SCARB1: variants seen among roughly 807,000 people sequenced by gnomAD.
SCARB1 encodes the protein CD36 and LIMPII analogous 1.
Under a neutral mutation model 57.2 loss-of-function variants are expected in SCARB1, and 30 were observed. The observed-to-expected ratio is 0.52, with a 90% CI of 0.39 to 0.71. The LOEUF (loss-of-function observed/expected upper bound fraction) is 0.71, where lower values mean the gene tolerates loss of function less well. SCARB1 is among the 30% of genes least tolerant of loss of function. SCARB1 has a pLI of 0.00. For missense variants in SCARB1, 543 were observed against 671.2 expected (o/e 0.81, Z 2.11); for synonymous variants, 249 against 268.3 (o/e 0.93, Z 0.70).
At chr12:124,780,977 T>C (rs1873347138) in intron 12 of SCARB1, among the ~76,000 whole-genome samples, 1 of 152,100 alleles carries the variant, frequency 6.6e-6, no homozygotes, top group African/African-American at 2.4e-5. Flanking sequence ...AGCACTACGG[T>C]GTCCTGGAGG....
intron 1 of SCARB1, among the ~76,000 whole-genome samples, chr12:124,837,758 G>A (rs1461419639): frequency 3.4e-5 from 5 of 148,780 alleles, no homozygotes; most frequent in African/African-American, 1.2e-4. Flanking sequence ...AAAAAAATGA[G>A]CCAGGCGTGG....
intron 1 of SCARB1, among the ~76,000 whole-genome samples, chr12:124,831,861 A>G (rs998732502): frequency 1.3e-5 from 2 of 152,234 alleles, no homozygotes; most frequent in African/African-American, 4.8e-5. Context: ...AATCAATAGA[A>G]GAACAACAGA....
Position 124,782,323 on chromosome 12 carries a change from G to GA in SCARB1, c.*359dup, listed in dbSNP as rs566138604. 3.9e-5 allele frequency among the ~76,000 whole-genome samples: 6 copies of GA among 152,316 alleles called. No individual in the cohort carries two copies. The South Asian group carries it at 1.2e-3, about 32-fold the overall frequency. ...ACCATGATCCTATTCCAGAAGGCTA[G>GA]AAGGCTGCCCAGGGATCTGCATTTC... On this transcript the variant is annotated intron_variant, in intron 12 of 12. Coordinates refer to ENST00000261693, the MANE Select transcript of SCARB1 (RefSeq NM_005505.5).
At chr12:124,834,904 T>C (rs1951569514) in intron 1 of SCARB1, among the ~76,000 whole-genome samples, 1 of 151,996 alleles carries the variant, frequency 6.6e-6, no homozygotes, top group Non-Finnish European at 1.5e-5. Flanking sequence ...CAAGACCCTG[T>C]CCACCCCCCC....
At chr12:124,809,922 GC>G (rs1380023310) in intron 6 of SCARB1, among the ~76,000 whole-genome samples, 3 of 152,098 alleles carry the variant, frequency 2.0e-5, no homozygotes, top group Non-Finnish European at 4.4e-5. Context: ...GACATGTCCT[GC>G]CCCCTCCTCC....
intron 1 of SCARB1, among the ~76,000 whole-genome samples, chr12:124,842,881 C>T (rs7307671): frequency 0.081 from 12,391 of 152,294 alleles, 538 homozygotes; most frequent in African/African-American, 0.098. Flanking sequence ...TGCCAAGATC[C>T]ACCTAGGTGC....
intron 1 of SCARB1, among the ~76,000 whole-genome samples, chr12:124,856,508 C>A (rs1004585123): frequency 1.3e-5 from 2 of 152,142 alleles, no homozygotes; most frequent in African/African-American, 4.8e-5. Flanking sequence ...GTTTTTCAGC[C>A]GTCGCCAGGG....
intron 1 of SCARB1, among the ~76,000 whole-genome samples, chr12:124,818,477 T>A (rs1308682758): frequency 6.6e-6 from 1 of 152,124 alleles, no homozygotes; most frequent in African/African-American, 2.4e-5. Context: ...TTTATTTATT[T>A]ATTTTTTGAG....
chr12:124,833,900 A>G lies in SCARB1; in HGVS notation c.127-16193T>C, dbSNP rs1204542766. Among the ~76,000 whole-genome samples, 4 of 152,248 alleles carry G rather than the reference A, an allele frequency of 2.6e-5. No individual in the cohort carries two copies. In the East Asian group the frequency reaches 7.7e-4, roughly 29 times the overall value. ...CGGGCCGGGGAATGATCTGCGGAGC[A>G]GGACACTCTCCCGCAGCTGCTTTCA... On this transcript the variant is annotated intron_variant, in intron 1 of 12. Coordinates refer to ENST00000261693, the MANE Select transcript of SCARB1 (RefSeq NM_005505.5).
At chr12:124,827,793 T>G (rs1439737506) in intron 1 of SCARB1, among the ~76,000 whole-genome samples, 1 of 152,084 alleles carries the variant, frequency 6.6e-6, no homozygotes, top group Non-Finnish European at 1.5e-5. Flanking sequence ...CCCCTAAAAC[T>G]CCTGACCTCC....
At chr12:124,798,608 C>T (rs12305535) in intron 8 of SCARB1, among the ~76,000 whole-genome samples, 6,553 of 152,136 alleles carry the variant, frequency 0.043, 305 homozygotes, top group African/African-American at 0.11. Flanking sequence ...CCTGGGAGTC[C>T]GAGGCGGGTG....
intron 1 of SCARB1, chr12:124,821,421 G>T (rs1332412902): frequency 1.0e-6 from 1 of 985,174 alleles, no homozygotes; most frequent in Non-Finnish European, 1.2e-6. Context: ...TGGTTCTGAA[G>T]ATGAATCAGG....
At chr12:124,780,099 T>TTCC in intron 12 of SCARB1, among the ~76,000 whole-genome samples, 1 of 152,292 alleles carries the variant, frequency 6.6e-6, no homozygotes, top group South Asian at 2.1e-4. Context: ...GTGAAGCAGG[T>TTCC]TCCTCCTCCT....
intron 1 of SCARB1, among the ~76,000 whole-genome samples, chr12:124,851,468 T>C (rs1489205400): frequency 1.3e-5 from 2 of 151,974 alleles, no homozygotes; most frequent in African/African-American, 4.8e-5. Context: ...ATGTAGATGA[T>C]TTTGCATGAA....
intron 1 of SCARB1, among the ~76,000 whole-genome samples, chr12:124,851,248 G>A (rs1191151196): frequency 6.6e-6 from 1 of 152,074 alleles, no homozygotes. Context: ...TTTTCTAAGC[G>A]TCAGAGGAAG....
At chr12:124,821,490 T>C (rs1177845572) in intron 1 of SCARB1, 1 of 985,034 alleles carries the variant, frequency 1.0e-6, no homozygotes, top group East Asian at 1.1e-4. Context: ...TCTCTCTCTC[T>C]CTCTCTCTCC....
At chr12:124,804,270 C>A (rs1265113084) in intron 7 of SCARB1, among the ~76,000 whole-genome samples, 1 of 152,226 alleles carries the variant, frequency 6.6e-6, no homozygotes, top group Non-Finnish European at 1.5e-5. Flanking sequence ...GGCCCCCTTT[C>A]TGCAGGACTC....
intron 1 of SCARB1, among the ~76,000 whole-genome samples, chr12:124,858,466 C>G (rs1952728374): frequency 6.6e-6 from 1 of 152,282 alleles, no homozygotes; most frequent in Non-Finnish European, 1.5e-5. Flanking sequence ...CAAAGCCTCT[C>G]CAAGCAACCT....
intron 5 of SCARB1, 55 bp downstream of exon 5, chr12:124,811,815 C>A: frequency 7.7e-7 from 1 of 1,290,470 alleles, no homozygotes; most frequent in Non-Finnish European, 1.1e-6. Flanking sequence ...CAGCCATGGC[C>A]GGGCCCACCC....
Sources: gnomAD v4.1 joint callset for allele counts (sites outside exome capture counted in the v4.1 genomes callset) on GRCh38, gnomAD v4.1.1 for gene constraint, MANE v1.5 for transcripts, NCBI Gene and HGNC (gene_info 2026-07-23, HGNC 2026-07-21) for gene names.